Variants in OSBP2 observed in about 807,000 individuals in gnomAD.
OSBP2 encodes the protein oxysterol binding protein 2, also known as oxysterol-binding protein 2.
Under a neutral mutation model 96.0 loss-of-function variants are expected in OSBP2, and 66 were observed. That is an observed-to-expected ratio of 0.69 (90% confidence interval 0.56 to 0.84). OSBP2 has a LOEUF of 0.84. Ranked by LOEUF, OSBP2 falls within the 40% of genes least tolerant of loss-of-function variation. OSBP2 has a pLI of 0.00. For synonymous variants in OSBP2, 525 were observed against 520.9 expected, an observed-to-expected ratio of 1.01 and a Z score of -0.11; for missense variants, 1,038 against 1,222.7, an observed-to-expected ratio of 0.85 and a Z score of 2.25.
intron 5 of OSBP2, among the ~76,000 whole-genome samples, chr22:30,888,573 C>G (rs1268149266): frequency 6.6e-6 from 1 of 152,064 alleles, no homozygotes; most frequent in East Asian, 1.9e-4. Context: ...ACAAAAAATA[C>G]AAAAACTAGC....
chr22:30,859,419 T>TTGTC (rs2039160387), intron 2 of OSBP2, among the ~76,000 whole-genome samples: 1 of 152,240 alleles, frequency 6.6e-6, no homozygotes, highest in Admixed American at 6.5e-5. Context: ...AGGATCCCCC[T>TTGTC]CACTGGTCAG....
chr22:30,765,108 G>C (rs1452485929), intron 2 of OSBP2, among the ~76,000 whole-genome samples: 1 of 152,034 alleles, frequency 6.6e-6, no homozygotes, highest in Non-Finnish European at 1.5e-5. Flanking sequence ...TGCCCATGCT[G>C]GTCTCAAACT....
intron 3 of OSBP2, among the ~76,000 whole-genome samples, chr22:30,877,386 C>T (rs953568547): frequency 1.3e-5 from 2 of 152,156 alleles, no homozygotes; most frequent in Non-Finnish European, 2.9e-5. Flanking sequence ...AGTCTTGAAC[C>T]ATAACGTGCC....
chr22:30,715,668 C>A (rs1356608325), intron 1 of OSBP2, among the ~76,000 whole-genome samples: 2 of 151,746 alleles, frequency 1.3e-5, no homozygotes, highest in African/African-American at 4.8e-5. Flanking sequence ...TCTCCTGCCT[C>A]AGCCTCCCAG....
intron 1 of OSBP2, among the ~76,000 whole-genome samples, chr22:30,697,143 G>A (rs1002270784): frequency 6.6e-6 from 1 of 152,160 alleles, no homozygotes; most frequent in Admixed American, 6.5e-5. Flanking sequence ...GTATTTACCA[G>A]GTACTACTAA....
intron 2 of OSBP2, among the ~76,000 whole-genome samples, chr22:30,797,978 A>C (rs376148110): frequency 9.9e-5 from 15 of 152,072 alleles, no homozygotes; most frequent in African/African-American, 2.9e-4. Flanking sequence ...TCATAATAAT[A>C]ATCCTATTTT....
intron 2 of OSBP2, among the ~76,000 whole-genome samples, chr22:30,809,602 C>T (rs1231964439): frequency 1.3e-5 from 2 of 152,182 alleles, no homozygotes; most frequent in Non-Finnish European, 2.9e-5. Flanking sequence ...CTGAGCCCTA[C>T]AAGGCTTAGC....
intron 2 of OSBP2, among the ~76,000 whole-genome samples, chr22:30,765,301 C>T (rs1030146199): frequency 1.3e-5 from 2 of 152,134 alleles, no homozygotes; most frequent in Non-Finnish European, 2.9e-5. Flanking sequence ...CCTCCACCTC[C>T]CGGGTTCAGA....
chr22:30,785,422 C>A (rs1053436781), intron 2 of OSBP2, among the ~76,000 whole-genome samples: 1 of 151,966 alleles, frequency 6.6e-6, no homozygotes, highest in African/African-American at 2.4e-5. Flanking sequence ...AAAAAATTAG[C>A]TGGACATGGT....
intron 1 of OSBP2, among the ~76,000 whole-genome samples, chr22:30,739,788 A>C (rs114118404): frequency 0.014 from 2,154 of 151,676 alleles, 46 homozygotes; most frequent in African/African-American, 0.049. Context: ...TTATTATTCA[A>C]ATCAGTCTCC....
At chr22:30,817,680 A>T (rs928353895) in intron 2 of OSBP2, among the ~76,000 whole-genome samples, 8 of 152,162 alleles carry the variant, frequency 5.3e-5, no homozygotes, top group Non-Finnish European at 7.4e-5. Flanking sequence ...TCATGAAGCA[A>T]TTTGATTGAT....
intron 12 of OSBP2, among the ~76,000 whole-genome samples, chr22:30,901,641 G>A (rs2040198247): frequency 1.3e-5 from 2 of 151,958 alleles, no homozygotes; most frequent in African/African-American, 2.4e-5. Flanking sequence ...AAGGCCGGTG[G>A]AACACCTGAG....
intron 2 of OSBP2, among the ~76,000 whole-genome samples, chr22:30,824,412 G>C (rs1480575874): frequency 6.6e-6 from 1 of 152,168 alleles, no homozygotes; most frequent in Non-Finnish European, 1.5e-5. Context: ...GGGGGAATAC[G>C]GGAGTTTGTC....
chr22:30,758,862 A>C (rs1379401060), intron 2 of OSBP2, among the ~76,000 whole-genome samples: 3 of 152,316 alleles, frequency 2.0e-5, no homozygotes, highest in Middle Eastern at 3.4e-3. Flanking sequence ...CCAGAAAAAA[A>C]CAGGAAATCA....
At chr22:30,763,852 A>C (rs2090236889) in intron 2 of OSBP2, among the ~76,000 whole-genome samples, 1 of 152,074 alleles carries the variant, frequency 6.6e-6, no homozygotes, top group South Asian at 2.1e-4. Context: ...CCCCCAGCCC[A>C]CTTGGGGTCT....
intron 12 of OSBP2, among the ~76,000 whole-genome samples, chr22:30,896,240 G>A (rs1471152146): frequency 2.6e-5 from 4 of 152,014 alleles, no homozygotes; most frequent in Admixed American, 2.6e-4. Context: ...AGCTGGTCTT[G>A]AACTCCTGAC....
rs2039916207 is a variant in OSBP2, at chr22:30,890,313, T to G, written c.1624-415T>G. ...GGGGCCTTGGGCCTAACCCATCCTG[T>G]GCCGGGCCCCATCACAGCTCGCAAC... On this transcript the variant is annotated intron_variant, in intron 7 of 13. Coordinates refer to ENST00000332585, the MANE Select transcript of OSBP2 (RefSeq NM_030758.4). This position sits in a 1 kb window ranked among gnomAD's most constrained non-coding sequence, Gnocchi z 4.4. Among the ~76,000 whole-genome samples, 1 of 151,406 alleles carries G rather than the reference T, an allele frequency of 6.6e-6. No homozygotes were observed. The highest frequency in any genetic ancestry group is 2.4e-5 in the African/African-American group (1 of 41,112).
intron 2 of OSBP2, chr22:30,764,368 C>T: frequency 1.0e-6 from 1 of 985,426 alleles, no homozygotes; most frequent in Non-Finnish European, 1.2e-6. Flanking sequence ...CACCCTATTG[C>T]TCCAAAATGA....
In OSBP2 at chr22:30,905,887, A is replaced by G; in HGVS notation, c.2426A>G (p.Asn809Ser). 1 of 1,613,398 alleles carries G rather than the reference A, an allele frequency of 6.2e-7. No individual in the cohort carries two copies. The highest frequency in any genetic ancestry group is 8.5e-7 in the Non-Finnish European group (1 of 1,179,712). ...TTCTCAGAGCTGGCCCTGACCCTCA[A>G]CGAGCACGAGGAGGGCGTAGCGCCA... ...YYFSELALTLNEHEEGVAPTD... is the reference protein window; with the variant it reads ...YYFSELALTLSEHEEGVAPTD... Residue 809 changes from asparagine to serine, a missense_variant, in exon 13 of 14, where the codon AAC becomes AGC. This residue lies in a region of OSBP2 where 737 missense variants were observed against 913.3 expected (regional missense o/e 0.81). Transcript: ENST00000332585.
Sources: allele counts gnomAD v4.1 joint callset (sites outside exome capture counted in the v4.1 genomes callset), GRCh38; gene constraint gnomAD v4.1.1; regional missense constraint gnomAD v4.1.1; non-coding constraint Gnocchi (gnomAD v3.1); transcripts MANE v1.5; gene names NCBI Gene and HGNC (gene_info 2026-07-23, HGNC 2026-07-21).